The following DAB1 variants were observed in gnomAD, a reference collection of about 807,000 sequenced individuals.
DAB1 encodes DAB adaptor protein 1, also known as disabled homolog 1.
In DAB1, 15 loss-of-function variants were observed where a neutral mutation model predicts 64.6. The ratio of observed to expected loss-of-function variants is 0.23; its 90% confidence interval spans 0.16 to 0.36. The LOEUF (loss-of-function observed/expected upper bound fraction) is 0.36. Among genes scored for constraint, DAB1 ranks in the 10% least tolerant of loss-of-function variants. The pLI, the probability that DAB1 is intolerant of heterozygous loss-of-function variation, is 1.00. For synonymous variants in DAB1, 235 were observed against 251.9 expected (o/e 0.93, Z 0.64); for missense variants, 596 against 706.7 (o/e 0.84, Z 1.78).
chr1:57,594,796 C>T (rs1236690915), intron 7 of DAB1, among the ~76,000 whole-genome samples: 11 of 152,104 alleles, frequency 7.2e-5, no homozygotes, highest in African/African-American at 2.2e-4. Flanking sequence ...CTGCAAGCTC[C>T]GCCTCCCGGG....
chr1:58,215,464 T>C (rs149179804), intron 4 of DAB1, among the ~76,000 whole-genome samples: 5 of 152,038 alleles, frequency 3.3e-5, no homozygotes, highest in African/African-American at 4.8e-5. Context: ...ATGTATTAGA[T>C]GTTCACTGTC....
At chr1:58,405,775 C>A (rs1424770215) in intron 3 of DAB1, among the ~76,000 whole-genome samples, 2 of 152,208 alleles carry the variant, frequency 1.3e-5, no homozygotes, top group African/African-American at 4.8e-5. Context: ...GACAAATGAA[C>A]ATTAGCATCA....
At position 57,238,761 on chromosome 1, in the gene DAB1, T is replaced by C. The variant is rs1250988604; in HGVS notation, c.67+52203A>G. On this transcript the variant is annotated intron_variant, in intron 2 of 14. Transcript: ENST00000371236. ...TCCATGTACAATGACTGGAAATAGT[T>C]CTATAGTACTGGGCAGAAATAAGGG... Among the ~76,000 whole-genome samples the C allele has an allele frequency of 2.0e-5, 3 of 151,858 alleles. No homozygotes were observed. The East Asian group carries it at 5.8e-4, about 30-fold the overall frequency.
At chr1:58,301,237 G>A (rs533335251) in intron 4 of DAB1, among the ~76,000 whole-genome samples, 4 of 148,790 alleles carry the variant, frequency 2.7e-5, no homozygotes, top group African/African-American at 5.0e-5. Context: ...GGTGGAGAGG[G>A]GGGGGTCATG....
intron 7 of DAB1, among the ~76,000 whole-genome samples, chr1:57,615,911 C>G (rs566415866): frequency 6.6e-6 from 1 of 152,306 alleles, no homozygotes; most frequent in African/African-American, 2.4e-5. Context: ...ATACTATCGT[C>G]ATAGCTGAGT....
chr1:57,409,983 A>G (rs950941293), intron 1 of DAB1, among the ~76,000 whole-genome samples: 1 of 152,250 alleles, frequency 6.6e-6, no homozygotes, highest in Non-Finnish European at 1.5e-5. Flanking sequence ...CAAGAGAGGA[A>G]GCAAACACAT....
intron 6 of DAB1, among the ~76,000 whole-genome samples, chr1:57,736,883 T>C (rs746498495): frequency 6.6e-6 from 1 of 152,112 alleles, no homozygotes. Context: ...CTGAAACAGG[T>C]GGTTCATTCA....
chr1:57,576,439 T>C (rs1645250709), intron 7 of DAB1, among the ~76,000 whole-genome samples: 1 of 152,190 alleles, frequency 6.6e-6, no homozygotes, highest in Admixed American at 6.5e-5. Flanking sequence ...GCTGTCCTTA[T>C]AAGAAGAAGA....
intron 4 of DAB1, among the ~76,000 whole-genome samples, chr1:58,337,494 T>C (rs1663147600): frequency 6.6e-6 from 1 of 152,148 alleles, no homozygotes. Flanking sequence ...GGTAGCATAA[T>C]ACAGTGGGGA....
At chr1:58,251,892 T>G (rs555316650) in intron 4 of DAB1, among the ~76,000 whole-genome samples, 2 of 152,210 alleles carry the variant, frequency 1.3e-5, no homozygotes, top group East Asian at 3.9e-4. Context: ...CCCACAGTGC[T>G]GAATAAAAGT....
At chr1:58,161,479 T>G (rs988374304) in intron 4 of DAB1, among the ~76,000 whole-genome samples, 2 of 152,158 alleles carry the variant, frequency 1.3e-5, no homozygotes, top group Non-Finnish European at 2.9e-5. Context: ...CAAAACTATA[T>G]TGCAGCTGAA....
intron 3 of DAB1, among the ~76,000 whole-genome samples, chr1:58,361,480 A>G (rs1192393546): frequency 6.6e-6 from 1 of 152,128 alleles, no homozygotes; most frequent in Non-Finnish European, 1.5e-5. Flanking sequence ...TTTCCTGTTC[A>G]TCTTAGCACC....
At chr1:57,325,356 C>T (rs12094275) in intron 1 of DAB1, among the ~76,000 whole-genome samples, 11,471 of 152,188 alleles carry the variant, frequency 0.075, 1,364 homozygotes, top group African/African-American at 0.25. Flanking sequence ...GGGCAGAGGA[C>T]GAAACAGGGT....
chr1:57,445,959 T>G (rs1266209700), intron 7 of DAB1, among the ~76,000 whole-genome samples: 2 of 152,194 alleles, frequency 1.3e-5, no homozygotes, highest in Non-Finnish European at 2.9e-5. Flanking sequence ...GTATTCTGAA[T>G]CAGTCTTTCC....
chr1:57,010,759 T>C lies in DAB1; in HGVS notation c.1604A>G (p.Asp535Gly). 1 of 1,597,178 alleles carries C rather than the reference T, an allele frequency of 6.3e-7. No homozygotes were observed. Among genetic ancestry groups the C allele is most frequent in the Non-Finnish European group, 8.6e-7 (1 of 1,169,278 alleles). The change falls in exon 14 of 15, where the codon GAT (aspartate) becomes GGT (glycine). Residue 535 changes from aspartate to glycine, a missense_variant. Transcript: ENST00000371236. ...PDGSQASSNSDPFGEPSGEPS... is the reference protein window; with the variant it reads ...PDGSQASSNSGPFGEPSGEPS... ...CTCCCCACTGGGCTCACCAAATGGA[T>C]CACTGTTGGATGAGGCCTGTGATCC...
At chr1:57,889,894 T>TG (rs1259975929) in intron 5 of DAB1, among the ~76,000 whole-genome samples, 376 of 7,868 alleles carry the variant, frequency 0.048, 13 homozygotes, top group Middle Eastern at 0.12. Flanking sequence ...TAGCACAAAC[T>TG]GGGGCGGGGG....
intron 7 of DAB1, among the ~76,000 whole-genome samples, chr1:57,536,033 C>T (rs1310762943): frequency 6.6e-6 from 1 of 152,120 alleles, no homozygotes; most frequent in Non-Finnish European, 1.5e-5. Context: ...TTGCTTTATC[C>T]ACTCTGTGGT....
chr1:57,091,074 T>G (rs1457089260), intron 4 of DAB1, among the ~76,000 whole-genome samples: 2 of 152,200 alleles, frequency 1.3e-5, no homozygotes, highest in Non-Finnish European at 2.9e-5. Context: ...GTTTTGCCTC[T>G]GCTTACTTGA....
Position 58,118,466 on chromosome 1 carries a change from AGG to A in DAB1, n.387+32043_387+32044del, listed in dbSNP as rs1489543478. Among the ~76,000 whole-genome samples, 123 of 62,848 alleles carry A rather than the reference AGG, an allele frequency of 2.0e-3. 1 individual carries two copies. Among genetic ancestry groups the A allele is most frequent in the African/African-American group, 7.5e-3 (120 of 15,954 alleles). The allele number at this position is 62,848 out of a possible 152,430, so 41.2% of individuals were successfully genotyped here. On this transcript the variant is annotated intron_variant and non_coding_transcript_variant, in intron 5 of 20. Transcript: ENST00000485760. ...CTTCATGATGCCAGGCACTATCCTAAGGCATATATATATATATATATATATAT... is the reference window on the plus strand; with the variant it reads ...CTTCATGATGCCAGGCACTATCCTAACATATATATATATATATATATATAT...
Sources: allele counts gnomAD v4.1 joint callset (sites outside exome capture counted in the v4.1 genomes callset), GRCh38; gene constraint gnomAD v4.1.1; transcripts MANE v1.5; gene names NCBI Gene and HGNC (gene_info 2026-07-23, HGNC 2026-07-21).